The following FARS2 variants were observed in gnomAD, a reference collection of about 807,000 sequenced individuals.
FARS2 encodes phenylalanyl-tRNA synthetase 2, mitochondrial.
FARS2 carries 40 observed loss-of-function variants against 46.4 expected under a neutral mutation model. The ratio of observed to expected loss-of-function variants is 0.86; its 90% CI spans 0.67 to 1.12. The LOEUF (loss-of-function observed/expected upper bound fraction) is 1.12. Ranked by LOEUF, FARS2 falls within the 50% of genes most tolerant of loss-of-function variation. The probability of loss-of-function intolerance (pLI) is 0.00; values close to 1 mark genes in which losing one functional copy is unlikely to be tolerated. For synonymous variants in FARS2, 234 were observed against 214.9 expected, an observed-to-expected ratio of 1.09 and a Z score of -0.78; for missense variants, 513 against 567.9, an observed-to-expected ratio of 0.90 and a Z score of 0.98.
At chr6:5,702,404 T>C (rs1246044638) in intron 6 of FARS2, among the ~76,000 whole-genome samples, 1 of 152,260 alleles carries the variant, frequency 6.6e-6, no homozygotes, top group African/African-American at 2.4e-5. Flanking sequence ...TTACTTTCTA[T>C]TCTTCTTATC....
chr6:5,546,314 G>C (rs1338932940), intron 5 of FARS2, among the ~76,000 whole-genome samples: 1 of 144,712 alleles, frequency 6.9e-6, no homozygotes, highest in Non-Finnish European at 1.5e-5. Context: ...TGGAGTGCGC[G>C]ATCTTGGCTC....
chr6:5,539,373 A>ATTTT (rs200878410), intron 4 of FARS2, among the ~76,000 whole-genome samples: 1,252 of 81,480 alleles, frequency 0.015, 21 homozygotes, highest in East Asian at 0.027. Flanking sequence ...TGCCCACCTA[A>ATTTT]TTTTTTTTGT....
At chr6:5,628,661 C>T (rs1776150381) in intron 6 of FARS2, among the ~76,000 whole-genome samples, 1 of 152,244 alleles carries the variant, frequency 6.6e-6, no homozygotes, top group South Asian at 2.1e-4. Flanking sequence ...TCCCCGGCCA[C>T]GTTTCCCATC....
chr6:5,576,584 A>G (rs944505150), intron 5 of FARS2, among the ~76,000 whole-genome samples: 6 of 147,128 alleles, frequency 4.1e-5, no homozygotes, highest in African/African-American at 1.5e-4. Context: ...TCTATGATAT[A>G]TACTCTATAT....
rs116004470 is a variant in FARS2, at chr6:5,348,122, T to G, written c.-21-20428T>G. Among the ~76,000 whole-genome samples the G allele has an allele frequency of 5.9e-3, 895 of 152,352 alleles. 10 individuals are homozygous for G. The highest frequency in any genetic ancestry group is 0.021 in the African/African-American group (864 of 41,576). On this transcript the variant is annotated intron_variant, in intron 1 of 6. Transcript: ENST00000274680. ...TCTTTGCCGGTCTTTGGCTTCCCTG[T>G]TCATTTTCCCAAAGATGTCTTTTGA...
chr6:5,599,558 A>G (rs758362454), intron 5 of FARS2, among the ~76,000 whole-genome samples: 2 of 152,218 alleles, frequency 1.3e-5, no homozygotes, highest in Non-Finnish European at 2.9e-5. Context: ...TTCTGTCAAT[A>G]TATTTATTCA....
At chr6:5,658,650 T>C (rs1033815927) in intron 6 of FARS2, among the ~76,000 whole-genome samples, 7 of 152,334 alleles carry the variant, frequency 4.6e-5, no homozygotes, top group South Asian at 4.1e-4. Flanking sequence ...AGGGAAGTTA[T>C]AAGAATTTTT....
At chr6:5,389,238 A>G (rs1215653524) in intron 2 of FARS2, among the ~76,000 whole-genome samples, 2 of 152,288 alleles carry the variant, frequency 1.3e-5, no homozygotes, top group African/African-American at 4.8e-5. Context: ...GTAGTTTGAA[A>G]ATGTTACATC....
intron 6 of FARS2, among the ~76,000 whole-genome samples, chr6:5,651,132 A>G (rs1405544511): frequency 4.6e-5 from 7 of 152,218 alleles, no homozygotes; most frequent in African/African-American, 1.7e-4. Context: ...AGGAGACATC[A>G]GCAACATAAT....
At chr6:5,341,378 T>G (rs374625219) in intron 1 of FARS2, among the ~76,000 whole-genome samples, 2 of 148,272 alleles carry the variant, frequency 1.3e-5, no homozygotes, top group East Asian at 3.9e-4. Context: ...CTGCCTACAC[T>G]GCAAAACATC....
At chr6:5,494,390 C>T (rs1331342543) in intron 4 of FARS2, among the ~76,000 whole-genome samples, 2 of 152,150 alleles carry the variant, frequency 1.3e-5, no homozygotes, top group Admixed American at 6.5e-5. Context: ...GACTGGAATC[C>T]GGGTCTGTAC....
chr6:5,570,541 CTTA>C (rs1772579698), intron 5 of FARS2, among the ~76,000 whole-genome samples: 1 of 152,134 alleles, frequency 6.6e-6, no homozygotes, highest in Admixed American at 6.5e-5. Context: ...GTATGAGTTT[CTTA>C]TTATTCTCAC....
intron 6 of FARS2, among the ~76,000 whole-genome samples, chr6:5,664,719 A>G (rs1290040771): frequency 6.6e-6 from 1 of 152,190 alleles, no homozygotes; most frequent in Non-Finnish European, 1.5e-5. Flanking sequence ...TCCTAGTCCT[A>G]GTCCTTAAGA....
At chr6:5,339,199 AT>A (rs1771380090) in intron 1 of FARS2, among the ~76,000 whole-genome samples, 1 of 152,224 alleles carries the variant, frequency 6.6e-6, no homozygotes, top group Non-Finnish European at 1.5e-5. Context: ...AATGAAAAAT[AT>A]TGTACCCTAG....
intron 1 of FARS2, among the ~76,000 whole-genome samples, chr6:5,357,374 T>C (rs1294249556): frequency 1.3e-5 from 2 of 152,232 alleles, no homozygotes; most frequent in African/African-American, 4.8e-5. Context: ...TCCAAAACAT[T>C]GTCTGAAGCA....
chr6:5,574,672 C>T (rs1290833560), intron 5 of FARS2, among the ~76,000 whole-genome samples: 1 of 152,042 alleles, frequency 6.6e-6, no homozygotes, highest in African/African-American at 2.4e-5. Context: ...GCTTTAGTTC[C>T]TAGAGGAAAT....
At chr6:5,534,917 G>A (rs191914583) in intron 4 of FARS2, among the ~76,000 whole-genome samples, 56 of 152,182 alleles carry the variant, frequency 3.7e-4, no homozygotes, top group South Asian at 6.2e-4. Flanking sequence ...GGTCAAATTC[G>A]TGTTTAACTT....
At chr6:5,470,079 T>C (rs1008523179) in intron 4 of FARS2, among the ~76,000 whole-genome samples, 3 of 152,244 alleles carry the variant, frequency 2.0e-5, no homozygotes, top group Non-Finnish European at 4.4e-5. Context: ...TTATCTATTT[T>C]ATTATTAATA....
intron 3 of FARS2, among the ~76,000 whole-genome samples, chr6:5,405,252 C>T (rs902107280): frequency 2.0e-5 from 3 of 152,050 alleles, no homozygotes; most frequent in Non-Finnish European, 4.4e-5. Flanking sequence ...AAAGTTTTGA[C>T]TGCGATTTGA....
Sources: gnomAD v4.1 joint callset for allele counts (sites outside exome capture counted in the v4.1 genomes callset) on GRCh38, gnomAD v4.1.1 for gene constraint, MANE v1.5 for transcripts, NCBI Gene and HGNC (gene_info 2026-07-23, HGNC 2026-07-21) for gene names.